Variants in KHDRBS2 observed in about 807,000 individuals in gnomAD.
KHDRBS2 encodes the protein KH RNA binding domain containing, signal transduction associated 2.
Under a neutral mutation model 44.3 loss-of-function variants are expected in KHDRBS2, and 26 were observed. That is an observed-to-expected ratio of 0.59 (90% confidence interval 0.43 to 0.81). The LOEUF is 0.81. Among genes scored for constraint, KHDRBS2 ranks in the 40% least tolerant of loss-of-function variants. KHDRBS2 has a pLI of 0.00. For synonymous variants in KHDRBS2, 194 were observed against 151.1 expected, an observed-to-expected ratio of 1.28 and a Z score of -2.08; for missense variants, 476 against 433.1, an observed-to-expected ratio of 1.10 and a Z score of -0.88.
chr6:61,770,473 A>G (rs1172505371), intron 6 of KHDRBS2, among the ~76,000 whole-genome samples: 2 of 152,180 alleles, frequency 1.3e-5, no homozygotes, highest in Non-Finnish European at 2.9e-5. Context: ...AGAATAACCA[A>G]TGCAGAGAAG....
chr6:62,270,976 G>A (rs575077900), intron 1 of KHDRBS2, among the ~76,000 whole-genome samples: 4 of 152,090 alleles, frequency 2.6e-5, no homozygotes, highest in African/African-American at 4.8e-5. Context: ...CTACTATAAC[G>A]GTAGCTTTCA....
intron 1 of KHDRBS2, among the ~76,000 whole-genome samples, chr6:62,229,830 A>G (rs1386847838): frequency 1.3e-5 from 2 of 152,104 alleles, no homozygotes; most frequent in East Asian, 3.9e-4. Flanking sequence ...CCAGCCATCC[A>G]GTCAGTCCTG....
chr6:62,272,953 T>C (rs1378448232), intron 1 of KHDRBS2, among the ~76,000 whole-genome samples: 2 of 152,138 alleles, frequency 1.3e-5, no homozygotes, highest in African/African-American at 4.8e-5. Flanking sequence ...AATATGCAGC[T>C]GTCATTACCT....
intron 3 of KHDRBS2, among the ~76,000 whole-genome samples, chr6:62,014,908 C>A (rs1234712006): frequency 3.3e-5 from 5 of 152,042 alleles, no homozygotes; most frequent in South Asian, 2.1e-4. Context: ...TAGGAAGATT[C>A]TTAATACACA....
At chr6:61,933,100 T>C (rs889137471) in intron 4 of KHDRBS2, among the ~76,000 whole-genome samples, 2 of 152,026 alleles carry the variant, frequency 1.3e-5, no homozygotes, top group Admixed American at 1.3e-4. Flanking sequence ...AAAGTATGGG[T>C]GGGGAGGCCT....
chr6:61,826,622 C>T (rs372518166), intron 6 of KHDRBS2, among the ~76,000 whole-genome samples: 1 of 152,196 alleles, frequency 6.6e-6, no homozygotes, highest in East Asian at 1.9e-4. Flanking sequence ...ATGCTAGCAA[C>T]CTGCCCCATA....
intron 2 of KHDRBS2, among the ~76,000 whole-genome samples, chr6:62,093,680 T>A (rs568136946): frequency 9.2e-5 from 14 of 152,012 alleles, no homozygotes; most frequent in African/African-American, 3.4e-4. Flanking sequence ...ATAACCACTA[T>A]TCCACTCTCT....
intron 6 of KHDRBS2, among the ~76,000 whole-genome samples, chr6:61,850,394 G>A (rs1442842664): frequency 1.3e-5 from 2 of 151,954 alleles, no homozygotes; most frequent in Non-Finnish European, 2.9e-5. Context: ...CATTTTTATT[G>A]TACCATAGGG....
intron 6 of KHDRBS2, among the ~76,000 whole-genome samples, chr6:61,836,038 T>C (rs182052810): frequency 3.3e-5 from 5 of 152,018 alleles, no homozygotes; most frequent in African/African-American, 1.2e-4. Flanking sequence ...AGCGACAAAA[T>C]GAGGTTCAAG....
chr6:61,556,430 A>T, the KHDRBS2 span, among the ~76,000 whole-genome samples: 1 of 152,214 alleles, frequency 6.6e-6, no homozygotes, highest in Non-Finnish European at 1.5e-5. Context: ...AGTTTTTCAC[A>T]ATTCTAATTT....
In KHDRBS2 at chr6:61,713,689, T is replaced by C. The variant is rs190956908; in HGVS notation, c.894-16436A>G. Among the ~76,000 whole-genome samples, 161 of 151,212 alleles carry C rather than the reference T, an allele frequency of 1.1e-3. 4 individuals carry two copies. The South Asian group carries it at 0.023, about 22-fold the overall frequency. ...CAAACAGCATGGGACTTGTATACAA[T>C]ATACACATAGATCAATGAAGCAGAA... is the stretch of plus-strand genomic sequence containing the variant. On this transcript the variant is annotated intron_variant, in intron 7 of 8. Coordinates refer to ENST00000281156, the MANE Select transcript of KHDRBS2 (RefSeq NM_152688.4).
At chr6:61,635,519 G>T in the KHDRBS2 span, among the ~76,000 whole-genome samples, 1 of 151,948 alleles carries the variant, frequency 6.6e-6, no homozygotes, top group East Asian at 1.9e-4. Context: ...CTTCTCAGGG[G>T]TTCTAGTATT....
chr6:61,669,477 A>T, the KHDRBS2 span, among the ~76,000 whole-genome samples: 1 of 151,020 alleles, frequency 6.6e-6, no homozygotes, highest in East Asian at 2.0e-4. Context: ...TAAAGGCTAC[A>T]TTAGCTAAAT....
the KHDRBS2 span, among the ~76,000 whole-genome samples, chr6:61,613,450 A>G: frequency 6.6e-6 from 1 of 152,160 alleles, no homozygotes; most frequent in Admixed American, 6.5e-5. Flanking sequence ...TGCACATGTC[A>G]CCAGCAGCCC....
chr6:62,072,206 G>T (rs921219753), intron 2 of KHDRBS2, among the ~76,000 whole-genome samples: 6 of 152,066 alleles, frequency 3.9e-5, no homozygotes, highest in Middle Eastern at 3.4e-3. Context: ...CCTGAGACTT[G>T]GCTGAATTTG....
chr6:61,754,087 G>C (rs546401803), intron 6 of KHDRBS2, among the ~76,000 whole-genome samples: 1 of 152,106 alleles, frequency 6.6e-6, no homozygotes, highest in Non-Finnish European at 1.5e-5. Flanking sequence ...TCTGGCCTCC[G>C]GAACTGCGAG....
At chr6:62,076,313 G>A (rs1026667313) in intron 2 of KHDRBS2, among the ~76,000 whole-genome samples, 1 of 151,950 alleles carries the variant, frequency 6.6e-6, no homozygotes, top group Non-Finnish European at 1.5e-5. Flanking sequence ...TCTTAACAGA[G>A]CTATGATTTC....
chr6:62,100,767 C>T (rs1047769293), intron 2 of KHDRBS2, among the ~76,000 whole-genome samples: 3 of 152,056 alleles, frequency 2.0e-5, no homozygotes, highest in Non-Finnish European at 2.9e-5. Context: ...GTAGCATAAA[C>T]CTAACTTTTA....
intron 2 of KHDRBS2, among the ~76,000 whole-genome samples, chr6:62,172,388 C>T (rs970761088): frequency 2.0e-5 from 3 of 152,126 alleles, no homozygotes; most frequent in African/African-American, 7.2e-5. Context: ...ACTTAATTAT[C>T]CTAAGCATAT....
Sources: allele counts gnomAD v4.1 joint callset (sites outside exome capture counted in the v4.1 genomes callset), GRCh38; gene constraint gnomAD v4.1.1; transcripts MANE v1.5; gene names NCBI Gene and HGNC (gene_info 2026-07-23, HGNC 2026-07-21).